Variants in UBTD2 observed in about 807,000 individuals in gnomAD.
UBTD2 encodes the protein ubiquitin domain containing 2.
In UBTD2, 9 loss-of-function variants were observed where a neutral mutation model predicts 19.8. That is an observed-to-expected ratio of 0.46 (90% CI 0.27 to 0.79). UBTD2 has a LOEUF of 0.79. UBTD2 is among the 30% of genes least tolerant of loss of function. The probability of loss-of-function intolerance (pLI) is 0.14; values close to 1 mark genes in which losing one functional copy is unlikely to be tolerated. For synonymous variants in UBTD2, 98 were observed against 103.9 expected (o/e 0.94, Z 0.35); for missense variants, 250 against 300.4 (o/e 0.83, Z 1.24).
chr5:172,211,958 G>T lies in UBTD2; in HGVS notation c.577C>A (p.Arg193=). The change falls in exon 3 of 3, where the codon CGG becomes AGG. Residue 193 remains arginine, a synonymous_variant. Transcript: ENST00000393792. Reference sequence around the variant, plus strand: ...AGAGGTCTGCCAGAAAAAAACCACCGCTGACTACCTGGTTCCACTCCCTCT... The same window carrying T: ...AGAGGTCTGCCAGAAAAAAACCACCTCTGACTACCTGGTTCCACTCCCTCT... ...AAEGVEPGSQ[R]WFFSGRPLTD... The T allele has an allele frequency of 6.2e-7, 1 of 1,614,072 alleles. No homozygotes were observed. Among genetic ancestry groups the T allele is most frequent in the Non-Finnish European group, 8.5e-7 (1 of 1,180,010 alleles).
chr5:172,219,218 T>C (rs996390203), intron 2 of UBTD2, among the ~76,000 whole-genome samples: 3 of 152,172 alleles, frequency 2.0e-5, no homozygotes, highest in Admixed American at 6.5e-5. Flanking sequence ...CAGAAACAAA[T>C]TATAACAATT....
intron 1 of UBTD2, among the ~76,000 whole-genome samples, chr5:172,243,270 T>C (rs13169888): frequency 0.063 from 9,631 of 152,168 alleles, 392 homozygotes; most frequent in South Asian, 0.12. Flanking sequence ...CAATAGCTTA[T>C]ACAATTGAAG....
At chr5:172,281,185 G>A (rs561331513) in intron 1 of UBTD2, among the ~76,000 whole-genome samples, 1 of 152,256 alleles carries the variant, frequency 6.6e-6, no homozygotes, top group Non-Finnish European at 1.5e-5. Flanking sequence ...ACAGGCATGA[G>A]CCACCCCGCC....
intron 1 of UBTD2, among the ~76,000 whole-genome samples, chr5:172,274,837 G>A (rs187816124): frequency 9.2e-5 from 14 of 152,116 alleles, no homozygotes; most frequent in Non-Finnish European, 2.1e-4. Flanking sequence ...TCAGGAGATT[G>A]AGACCATCCT....
At chr5:172,227,695 C>CTTT (rs1164255222) in intron 2 of UBTD2, among the ~76,000 whole-genome samples, 17 of 72,162 alleles carry the variant, frequency 2.4e-4, no homozygotes, top group Admixed American at 3.6e-4. Flanking sequence ...ATGAAAAATT[C>CTTT]TTTTTTTTTT....
In UBTD2 at chr5:172,211,658, T is replaced by C; in HGVS notation, c.*172A>G. 1.6e-6 allele frequency: 1 copy of C among 611,938 alleles called. No individual in the cohort carries two copies. The highest frequency in any genetic ancestry group is 2.5e-6 in the Non-Finnish European group (1 of 392,768). 37.9% of individuals were successfully genotyped at this position (611,938 alleles called of 1,614,324 possible). A position where few individuals can be genotyped will look rare whatever the true frequency, so the allele number is the denominator to read the frequency against. On this transcript the variant is annotated 3_prime_UTR_variant, in exon 3 of 3. Transcript: ENST00000393792. ...AGCCTGGCTCTTTGTGTTTTATTAT[T>C]TTTGTTGGTCTCCATCACAGATGGA...
chr5:172,246,015 T>G (rs1754873284), intron 1 of UBTD2, among the ~76,000 whole-genome samples: 1 of 152,198 alleles, frequency 6.6e-6, no homozygotes, highest in Admixed American at 6.5e-5. Flanking sequence ...CAGAAATATG[T>G]GACCAATTTT....
At chr5:172,229,286 G>C (rs935314673) in intron 2 of UBTD2, among the ~76,000 whole-genome samples, 3 of 151,962 alleles carry the variant, frequency 2.0e-5, no homozygotes, top group Non-Finnish European at 2.9e-5. Context: ...GGATCACAAG[G>C]TCAGGAGATC....
chr5:172,215,619 G>A (rs530269710), intron 2 of UBTD2, among the ~76,000 whole-genome samples: 20 of 152,138 alleles, frequency 1.3e-4, no homozygotes, highest in Non-Finnish European at 1.5e-4. Context: ...ACTCAGATAC[G>A]GCAGAAGTGT....
At chr5:172,273,055 C>T (rs1031125142) in intron 1 of UBTD2, among the ~76,000 whole-genome samples, 6 of 147,534 alleles carry the variant, frequency 4.1e-5, no homozygotes, top group African/African-American at 1.5e-4. Context: ...CCAGCCTGGG[C>T]GAGACAGCAA....
chr5:172,212,299 G>C (rs974511901), intron 2 of UBTD2, 72 bp from the exon 3 acceptor site: 1 of 1,485,180 alleles, frequency 6.7e-7, no homozygotes, highest in African/African-American at 1.4e-5. Context: ...CTCACAAAAT[G>C]CTTAAGCTTC....
intron 2 of UBTD2, among the ~76,000 whole-genome samples, chr5:172,217,094 G>C (rs1338777187): frequency 6.6e-6 from 1 of 152,080 alleles, no homozygotes; most frequent in Non-Finnish European, 1.5e-5. Flanking sequence ...CTATAATTCT[G>C]TATGCTGTGA....
chr5:172,281,361 G>A (rs1755711802), intron 1 of UBTD2, among the ~76,000 whole-genome samples: 1 of 152,146 alleles, frequency 6.6e-6, no homozygotes, highest in African/African-American at 2.4e-5. Flanking sequence ...AGCCGGGTGC[G>A]GTGGCATGCA....
intron 1 of UBTD2, among the ~76,000 whole-genome samples, chr5:172,257,892 A>G (rs536096783): frequency 7.9e-5 from 12 of 152,222 alleles, no homozygotes; most frequent in African/African-American, 2.9e-4. Flanking sequence ...GTTTCTTATC[A>G]ATTCAGGGTT....
At chr5:172,230,613 T>C (rs973340285) in intron 2 of UBTD2, among the ~76,000 whole-genome samples, 3 of 152,170 alleles carry the variant, frequency 2.0e-5, no homozygotes, top group African/African-American at 7.2e-5. Context: ...CAAAGTCACA[T>C]AGCTGCAAGT....
chr5:172,261,219 C>T (rs935255672), intron 1 of UBTD2, among the ~76,000 whole-genome samples: 1 of 152,176 alleles, frequency 6.6e-6, no homozygotes, highest in Non-Finnish European at 1.5e-5. Flanking sequence ...TGACCACATG[C>T]TGATATTCTA....
chr5:172,257,363 C>T (rs753691484), intron 1 of UBTD2, among the ~76,000 whole-genome samples: 1 of 152,202 alleles, frequency 6.6e-6, no homozygotes, highest in Admixed American at 6.6e-5. Flanking sequence ...ATACATACCA[C>T]ATTTTCTTTA....
At chr5:172,238,609 G>A (rs1301287681) in intron 1 of UBTD2, among the ~76,000 whole-genome samples, 1 of 152,038 alleles carries the variant, frequency 6.6e-6, no homozygotes, top group Non-Finnish European at 1.5e-5. Flanking sequence ...CTAACACACA[G>A]AAAACCCAAG....
intron 1 of UBTD2, among the ~76,000 whole-genome samples, chr5:172,276,997 A>C (rs1755616261): frequency 7.9e-6 from 1 of 127,338 alleles, no homozygotes; most frequent in Non-Finnish European, 1.6e-5. Flanking sequence ...TCAACCTGGG[A>C]GGCGGAGATT....
Sources: allele counts gnomAD v4.1 joint callset (sites outside exome capture counted in the v4.1 genomes callset), GRCh38; gene constraint gnomAD v4.1.1; transcripts MANE v1.5; gene names NCBI Gene and HGNC (gene_info 2026-07-23, HGNC 2026-07-21).